Variants in APC observed in about 807,000 individuals in gnomAD.
APC encodes APC regulator of Wnt signaling pathway.
Under a neutral mutation model 247.0 loss-of-function variants are expected in APC, and 72 were observed. The ratio of observed to expected loss-of-function variants is 0.29; its 90% CI spans 0.24 to 0.35. The LOEUF (loss-of-function observed/expected upper bound fraction) is 0.35, where lower values mean the gene tolerates loss of function less well. Ranked by LOEUF, APC falls within the 10% of genes least tolerant of loss-of-function variation. The pLI, the probability that APC is intolerant of heterozygous loss-of-function variation, is 1.00. For synonymous variants in APC, 1,254 were observed against 1,162.5 expected (o/e 1.08, Z -1.60); for missense variants, 3,400 against 3,360.7 (o/e 1.01, Z -0.29).
In APC at chr5:112,842,114, A is replaced by G. The variant is rs754536901; in HGVS notation, c.6520A>G (p.Ser2174Gly). Residue 2174 changes from serine to glycine, a missense_variant, in exon 16 of 16, where the codon AGT (serine) becomes GGT (glycine). Transcript: ENST00000257430. ...GPRILKPGEK[S>G]TLETKKIESE... ...ACGAATTCTAAAACCAGGGGAGAAA[A>G]GTACATTGGAAACTAAAAAGATAGA... 1 of 1,611,082 alleles carries G rather than the reference A, an allele frequency of 6.2e-7. No homozygotes were observed.
intron 4 of APC, among the ~76,000 whole-genome samples, chr5:112,774,788 T>G (rs1354355271): frequency 6.6e-6 from 1 of 152,126 alleles, no homozygotes; most frequent in Non-Finnish European, 1.5e-5. Flanking sequence ...CCAGGATCAA[T>G]TTTTAAGTGA....
chr5:112,804,811 T>C (rs928512952), intron 8 of APC, among the ~76,000 whole-genome samples: 1 of 151,904 alleles, frequency 6.6e-6, no homozygotes, highest in Non-Finnish European at 1.5e-5. Flanking sequence ...CTGGGCAACA[T>C]AGGGAGACTT....
upstream of APC, among the ~76,000 whole-genome samples, chr5:112,736,562 C>T (rs981885329): frequency 2.6e-5 from 4 of 152,280 alleles, no homozygotes; most frequent in Admixed American, 6.5e-5. Flanking sequence ...TATTTAATAG[C>T]TTGCTTCTTT....
At chr5:112,787,712 T>G (rs1376285718) in intron 6 of APC, among the ~76,000 whole-genome samples, 3 of 152,168 alleles carry the variant, frequency 2.0e-5, no homozygotes, top group South Asian at 4.1e-4. Context: ...ATAATATACA[T>G]CTCAATTCCT....
rs1407859071 is a variant in APC, at chr5:112,841,153, T to C, written c.5559T>C (p.Pro1853=). The part of the protein sequence containing the change: ...PHHYTPIEGT[P]YCFSRNDSLS... ...ATTACACGCCTATTGAAGGAACTCC[T>C]TACTGTTTTTCACGAAATGATTCTT... The change falls in exon 16 of 16, where the codon CCT becomes CCC. Residue 1853 remains proline, a synonymous_variant. Coordinates refer to ENST00000257430, the MANE Select transcript of APC (RefSeq NM_000038.6). The surrounding 1 kb of genome is among the most constrained non-coding windows in gnomAD (Gnocchi z 4.6). 6.2e-7 allele frequency: 1 copy of C among 1,613,618 alleles called. No homozygotes were observed. Among genetic ancestry groups the C allele is most frequent in the African/African-American group, 1.3e-5 (1 of 74,914 alleles).
chr5:112,790,594 G>A (rs575495059), intron 6 of APC, among the ~76,000 whole-genome samples: 1 of 152,308 alleles, frequency 6.6e-6, no homozygotes, highest in East Asian at 1.9e-4. Flanking sequence ...CTCCTGAAGT[G>A]CTGGGATTGC....
intron 2 of APC, among the ~76,000 whole-genome samples, chr5:112,756,824 G>T (rs558945910): frequency 1.6e-3 from 242 of 152,282 alleles, no homozygotes; most frequent in South Asian, 3.1e-3. Context: ...AATACAAGTT[G>T]AGTATCCCTT....
At chr5:112,798,930 C>T (rs1359153441) in intron 7 of APC, among the ~76,000 whole-genome samples, 2 of 152,014 alleles carry the variant, frequency 1.3e-5, no homozygotes, top group Non-Finnish European at 2.9e-5. Context: ...GGGATAATGG[C>T]CGGGCACTGT....
At chr5:112,753,614 C>T (rs150461770) in intron 1 of APC, among the ~76,000 whole-genome samples, 3 of 152,176 alleles carry the variant, frequency 2.0e-5, no homozygotes, top group Admixed American at 2.0e-4. Context: ...GCAGGACTCC[C>T]CTTCCTCCTC....
At chr5:112,717,469 G>T (rs1023532435) in intron 1 of APC, among the ~76,000 whole-genome samples, 3 of 152,006 alleles carry the variant, frequency 2.0e-5, no homozygotes, top group Admixed American at 1.3e-4. Flanking sequence ...GATTTTGAAG[G>T]ATCTGAAACA....
At chr5:112,752,829 A>G (rs1189512401) in intron 1 of APC, among the ~76,000 whole-genome samples, 1 of 152,180 alleles carries the variant, frequency 6.6e-6, no homozygotes, top group Non-Finnish European at 1.5e-5. Context: ...TTTCTAGAGC[A>G]GAAAGAACTT....
At chr5:112,809,597 CAAAA>C (rs113558913) in intron 8 of APC, among the ~76,000 whole-genome samples, 5 of 102,394 alleles carry the variant, frequency 4.9e-5, no homozygotes, top group African/African-American at 3.8e-5. Flanking sequence ...TGGGTTTCAC[CAAAA>C]AAAAAAAAAA....
At chr5:112,797,463 G>C (rs1464924468) in intron 7 of APC, among the ~76,000 whole-genome samples, 1 of 152,028 alleles carries the variant, frequency 6.6e-6, no homozygotes, top group Non-Finnish European at 1.5e-5. Flanking sequence ...ATTTTCTTTG[G>C]CTACCTGTAT....
rs2149764113 is a variant in APC, at chr5:112,815,590, C to G, written c.930C>G (p.Thr310=). The G allele has an allele frequency of 6.2e-6, 10 of 1,609,310 alleles. No homozygotes were observed. The highest frequency in any genetic ancestry group is 8.5e-6 in the Non-Finnish European group (10 of 1,176,680). The change falls in exon 9 of 16, where the codon ACC becomes ACG. Residue 310 remains threonine, a synonymous_variant. Transcript: ENST00000257430. ...GAAGGCTGACAAGTCATCTGGGAAC[C>G]AAGGTAACAGAAGATTACAAACCCT... ...APRRLTSHLG[T]KVEMVYSLLS... is the part of the protein sequence containing the mutation.
At chr5:112,835,187 A>T (rs1246211345) in intron 15 of APC, 22 bp downstream of exon 15, 1 of 1,577,456 alleles carries the variant, frequency 6.3e-7, no homozygotes, top group East Asian at 2.3e-5. Flanking sequence ...GTTTTATATT[A>T]CTTTTAAAGT....
At chr5:112,708,796 C>T (rs1377263324) in intron 1 of APC, among the ~76,000 whole-genome samples, 2 of 152,188 alleles carry the variant, frequency 1.3e-5, no homozygotes, top group Non-Finnish European at 2.9e-5. Flanking sequence ...GTTCAACCCT[C>T]CTTAGGAGTA....
In APC at chr5:112,792,667, T is replaced by C. The variant is rs894055971; in HGVS notation, c.729+138T>C. On this transcript the variant is annotated intron_variant, in intron 7 of 15. Transcript: ENST00000257430. ...AATTTAAATACCGTAATTTTTTTCG[T>C]GAAATTAAATTATCAAAGATTTGGA... 73 of 661,836 alleles carry C rather than the reference T, an allele frequency of 1.1e-4. No homozygotes were observed. In the African/African-American group the frequency reaches 1.2e-3, roughly 11 times the overall value. The allele number at this position is 661,836 out of a possible 1,614,324, so 41.0% of individuals were successfully genotyped here.
At chr5:112,782,116 A>G (rs1333092280) in intron 6 of APC, among the ~76,000 whole-genome samples, 1 of 152,242 alleles carries the variant, frequency 6.6e-6, no homozygotes, top group African/African-American at 2.4e-5. Context: ...TAACAGTTCT[A>G]CGTGGCTGGG....
intron 9 of APC, among the ~76,000 whole-genome samples, chr5:112,818,346 T>G (rs1762716900): frequency 6.6e-6 from 1 of 152,226 alleles, no homozygotes; most frequent in Admixed American, 6.5e-5. Context: ...ACTTACCAGT[T>G]GCTTTTTAAA....
Sources: gnomAD v4.1 joint callset for allele counts (sites outside exome capture counted in the v4.1 genomes callset) on GRCh38, gnomAD v4.1.1 for gene constraint, Gnocchi (gnomAD v3.1) non-coding constraint, MANE v1.5 for transcripts, NCBI Gene and HGNC (gene_info 2026-07-23, HGNC 2026-07-21) for gene names.